The following DNM3 variants were observed in gnomAD, a reference collection of about 807,000 sequenced individuals.
DNM3 encodes the protein dynamin-3.
DNM3 carries 47 observed loss-of-function variants against 101.6 expected under a neutral mutation model. The observed-to-expected ratio is 0.46, with a 90% CI of 0.37 to 0.59. DNM3 has a LOEUF of 0.59. Among genes scored for constraint, DNM3 ranks in the 20% least tolerant of loss-of-function variants. The pLI, the probability that DNM3 is intolerant of heterozygous loss-of-function variation, is 0.00. For synonymous variants in DNM3, 385 were observed against 387.9 expected (o/e 0.99, Z 0.09); for missense variants, 849 against 1,085.7 (o/e 0.78, Z 3.06).
intron 4 of DNM3, among the ~76,000 whole-genome samples, chr1:172,016,544 G>C (rs2047467301): frequency 6.6e-6 from 1 of 152,180 alleles, no homozygotes. Flanking sequence ...ATATTCATAA[G>C]AGATATTGGT....
intron 14 of DNM3, among the ~76,000 whole-genome samples, chr1:172,182,908 T>C (rs1191636685): frequency 2.6e-5 from 4 of 152,178 alleles, no homozygotes; most frequent in Non-Finnish European, 5.9e-5. Flanking sequence ...TAAGTATTGA[T>C]AATGTAGTAT....
intron 1 of DNM3, among the ~76,000 whole-genome samples, chr1:171,868,046 A>G (rs142615994): frequency 1.1e-3 from 161 of 152,318 alleles, no homozygotes; most frequent in African/African-American, 3.8e-3. Context: ...GATATAAATG[A>G]AATACATTGG....
chr1:171,923,919 G>T (rs1466034885), intron 2 of DNM3, among the ~76,000 whole-genome samples: 1 of 152,120 alleles, frequency 6.6e-6, no homozygotes, highest in African/African-American at 2.4e-5. Flanking sequence ...ACACTTGTAA[G>T]TGTGAATGTG....
At chr1:172,350,440 G>T (rs983476984) in intron 17 of DNM3, among the ~76,000 whole-genome samples, 8 of 151,828 alleles carry the variant, frequency 5.3e-5, no homozygotes, top group Non-Finnish European at 1.5e-5. Context: ...CAATATTTTT[G>T]TGCCATTTGA....
chr1:172,156,524 T>C (rs1387766160), intron 14 of DNM3, among the ~76,000 whole-genome samples: 3 of 152,100 alleles, frequency 2.0e-5, no homozygotes, highest in African/African-American at 7.2e-5. Flanking sequence ...AGAAAGACAC[T>C]AGAGCCAAGC....
intron 14 of DNM3, among the ~76,000 whole-genome samples, chr1:172,231,728 C>G (rs2061343865): frequency 6.6e-6 from 1 of 152,086 alleles, no homozygotes; most frequent in African/African-American, 2.4e-5. Context: ...CTAGAATAAC[C>G]AATGCAGAGA....
At chr1:172,116,660 G>T (rs548097003) in intron 13 of DNM3, among the ~76,000 whole-genome samples, 2 of 152,092 alleles carry the variant, frequency 1.3e-5, no homozygotes, top group African/African-American at 4.8e-5. Flanking sequence ...GAACACTTTG[G>T]GATATTAAAA....
chr1:171,937,812 C>T (rs144977923), intron 2 of DNM3, among the ~76,000 whole-genome samples: 2,956 of 152,278 alleles, frequency 0.019, 50 homozygotes, highest in Admixed American at 0.036. Context: ...TTTAAGCAAT[C>T]CTCCTGCTTC....
intron 4 of DNM3, among the ~76,000 whole-genome samples, chr1:171,996,752 G>C (rs1056656038): frequency 6.6e-6 from 1 of 151,958 alleles, no homozygotes; most frequent in Non-Finnish European, 1.5e-5. Flanking sequence ...TAATTGGCTC[G>C]GCATGGTGGC....
chr1:172,085,153 A>G (rs1203343671), intron 12 of DNM3, among the ~76,000 whole-genome samples: 14 of 151,866 alleles, frequency 9.2e-5, no homozygotes, highest in Admixed American at 8.5e-4. Context: ...TTTTTCAACT[A>G]TAATATAGTT....
At chr1:172,201,194 T>A (rs959095615) in intron 14 of DNM3, among the ~76,000 whole-genome samples, 3 of 152,114 alleles carry the variant, frequency 2.0e-5, no homozygotes, top group East Asian at 3.9e-4. Context: ...CACTTAGGCT[T>A]ATTGGTCAGT....
Position 171,841,650 on chromosome 1 carries a change from G to A in DNM3, c.-7G>A, listed in dbSNP as rs1180338388. The A allele has an allele frequency of 1.2e-6, 2 of 1,608,184 alleles. No homozygotes were observed. Among genetic ancestry groups the A allele is most frequent in the East Asian group, 2.2e-5 (1 of 44,716 alleles). ...GGGACCAGCTGGTCGCCGGCCCCTCGGGCAAGATGGGGAACCGGGAGATGG... is the reference window on the plus strand; with the variant it reads ...GGGACCAGCTGGTCGCCGGCCCCTCAGGCAAGATGGGGAACCGGGAGATGG... On this transcript the variant is annotated 5_prime_UTR_variant, in exon 1 of 21. Transcript: ENST00000627582.
chr1:172,008,180 C>T (rs528745749), intron 4 of DNM3, among the ~76,000 whole-genome samples: 11 of 151,646 alleles, frequency 7.3e-5, no homozygotes, highest in Middle Eastern at 3.4e-3. Context: ...TTGTTTCCTC[C>T]GGTATGCAGA....
intron 4 of DNM3, among the ~76,000 whole-genome samples, chr1:172,019,868 G>T (rs1332230263): frequency 6.6e-6 from 1 of 150,908 alleles, no homozygotes; most frequent in African/African-American, 2.4e-5. Context: ...ATCTGTTTTT[G>T]TAGGCTGTAT....
chr1:172,347,194 G>GT (rs2066981977), intron 17 of DNM3, among the ~76,000 whole-genome samples: 1 of 147,188 alleles, frequency 6.8e-6, no homozygotes, highest in Non-Finnish European at 1.5e-5. Flanking sequence ...ACTAGCAGAA[G>GT]CCCCCCCCGC....
chr1:172,284,295 T>C (rs2063611737), intron 15 of DNM3, among the ~76,000 whole-genome samples: 1 of 152,202 alleles, frequency 6.6e-6, no homozygotes, highest in Non-Finnish European at 1.5e-5. Context: ...GTTAAAATGA[T>C]GAAACTTACT....
intron 14 of DNM3, among the ~76,000 whole-genome samples, chr1:172,200,183 A>G (rs1380075256): frequency 6.6e-6 from 1 of 152,140 alleles, no homozygotes; most frequent in Non-Finnish European, 1.5e-5. Context: ...TTGGCTGTAT[A>G]TGAAATTCTT....
intron 14 of DNM3, among the ~76,000 whole-genome samples, chr1:172,215,277 T>G (rs1290514423): frequency 6.6e-6 from 1 of 152,088 alleles, no homozygotes; most frequent in Non-Finnish European, 1.5e-5. Context: ...AATAACAATG[T>G]TCTCCAGAAA....
chr1:172,175,866 T>C (rs1475270420), intron 14 of DNM3, among the ~76,000 whole-genome samples: 1 of 151,776 alleles, frequency 6.6e-6, no homozygotes, highest in Non-Finnish European at 1.5e-5. Flanking sequence ...GAAAGTTTGC[T>C]CAAGAGTGGG....
Sources: gnomAD v4.1 joint callset for allele counts (sites outside exome capture counted in the v4.1 genomes callset) on GRCh38, gnomAD v4.1.1 for gene constraint, MANE v1.5 for transcripts, NCBI Gene and HGNC (gene_info 2026-07-23, HGNC 2026-07-21) for gene names.